AFDN: variants seen among roughly 807,000 people sequenced by gnomAD.
AFDN encodes afadin, adherens junction formation factor.
In AFDN, 68 loss-of-function variants were observed where a neutral mutation model predicts 216.6. That is an observed-to-expected ratio of 0.31 (90% CI 0.26 to 0.38). The LOEUF is 0.38. Among genes scored for constraint, AFDN ranks in the 10% least tolerant of loss-of-function variants. The pLI, the probability that AFDN is intolerant of heterozygous loss-of-function variation, is 1.00. For missense variants in AFDN, 2,136 were observed against 2,342.0 expected, an observed-to-expected ratio of 0.91 and a Z score of 1.82; for synonymous variants, 868 against 853.7, an observed-to-expected ratio of 1.02 and a Z score of -0.29.
In AFDN at chr6:167,846,066, C is replaced by T. The variant is rs574313909; in HGVS notation, c.106-18485C>T. 3.5e-4 allele frequency among the ~76,000 whole-genome samples: 53 copies of T among 152,134 alleles called. 4 individuals are homozygous for T. In the South Asian group the frequency reaches 0.011, roughly 31 times the overall value. ...CTCCATGATCCAATCACTTCCCTCC[C>T]TTGACATAAGGGGATTATGATTCGA... On this transcript the variant is annotated intron_variant, in intron 1 of 33. Coordinates refer to ENST00000683244, the MANE Select transcript of AFDN (RefSeq NM_001386888.1).
At chr6:167,941,694 C>T (rs1464995934) in intron 23 of AFDN, among the ~76,000 whole-genome samples, 790 of 54,996 alleles carry the variant, frequency 0.014, 190 homozygotes, top group East Asian at 0.05. Flanking sequence ...GATGTGTGGA[C>T]AGACACAGAG....
chr6:167,967,202 G>A (rs1288710507), intron 32 of AFDN, among the ~76,000 whole-genome samples: 2 of 152,210 alleles, frequency 1.3e-5, no homozygotes, highest in Non-Finnish European at 1.5e-5. Flanking sequence ...TTTAGTGAGT[G>A]TATGAGAGTC....
chr6:167,837,049 G>T (rs1780520587), intron 1 of AFDN, among the ~76,000 whole-genome samples: 1 of 152,108 alleles, frequency 6.6e-6, no homozygotes, highest in Non-Finnish European at 1.5e-5. Context: ...TGACAAACTT[G>T]CTGATTTTAA....
At chr6:167,858,139 G>A (rs571043308) in intron 1 of AFDN, among the ~76,000 whole-genome samples, 1 of 152,246 alleles carries the variant, frequency 6.6e-6, no homozygotes, top group South Asian at 2.1e-4. Flanking sequence ...TTTCCATAAT[G>A]CTGACTAAGA....
At chr6:167,864,444 G>A in intron 1 of AFDN, 107 bp from the exon 2 acceptor site, 1 of 1,055,612 alleles carries the variant, frequency 9.5e-7, no homozygotes, top group South Asian at 1.3e-5. Flanking sequence ...TGTTTATGAT[G>A]AAGCATTTTT....
At position 167,948,740 on chromosome 6, in the gene AFDN, T is replaced by C. The variant is rs373442932; in HGVS notation, c.3831+262T>C. ...TTTTTAAGACAAAGTTCACTGATTCTAGAAGTGAGAAATTAGAACTCAAGT... is the reference window on the plus strand; with the variant it reads ...TTTTTAAGACAAAGTTCACTGATTCCAGAAGTGAGAAATTAGAACTCAAGT... On this transcript the variant is annotated intron_variant, in intron 29 of 33. Coordinates refer to ENST00000683244, the MANE Select transcript of AFDN (RefSeq NM_001386888.1). Among the ~76,000 whole-genome samples the C allele has an allele frequency of 7.7e-4, 117 of 152,370 alleles. No homozygotes were observed. In the Middle Eastern group the frequency reaches 0.01, roughly 13 times the overall value.
chr6:167,895,285 A>G (rs1788102696), intron 9 of AFDN, among the ~76,000 whole-genome samples: 1 of 152,110 alleles, frequency 6.6e-6, no homozygotes, highest in Non-Finnish European at 1.5e-5. Flanking sequence ...GTTCATTAGA[A>G]CTGCCTTTGG....
chr6:167,944,806 A>T (rs1416499938), intron 26 of AFDN, among the ~76,000 whole-genome samples: 3 of 152,062 alleles, frequency 2.0e-5, no homozygotes, highest in Non-Finnish European at 4.4e-5. Flanking sequence ...TGGAAGAGTA[A>T]CAATGCTAGA....
At chr6:167,933,652 G>C (rs1451567180) in intron 23 of AFDN, among the ~76,000 whole-genome samples, 1 of 152,048 alleles carries the variant, frequency 6.6e-6, no homozygotes, top group Non-Finnish European at 1.5e-5. Flanking sequence ...TTATGAATTT[G>C]GAAACAATAT....
chr6:167,929,333 A>G (rs1369130992), intron 23 of AFDN, among the ~76,000 whole-genome samples: 2 of 152,194 alleles, frequency 1.3e-5, no homozygotes, highest in Admixed American at 1.3e-4. Context: ...ACTGGGTTGT[A>G]GGCTATATTA....
chr6:167,838,435 C>T (rs1780692366), intron 1 of AFDN, among the ~76,000 whole-genome samples: 1 of 152,190 alleles, frequency 6.6e-6, no homozygotes, highest in Non-Finnish European at 1.5e-5. Flanking sequence ...TACAATTAAA[C>T]AATAAACAAA....
intron 32 of AFDN, chr6:167,966,365 C>A: frequency 8.9e-7 from 1 of 1,126,646 alleles, no homozygotes; most frequent in Non-Finnish European, 1.2e-6. Context: ...TGGTCCATGG[C>A]GATCATACTT....
At chr6:167,918,974 G>A (rs1169705811) in intron 21 of AFDN, 41 bp downstream of exon 21, 1 of 1,531,652 alleles carries the variant, frequency 6.5e-7, no homozygotes, top group Non-Finnish European at 9.0e-7. Context: ...TACGCCCCAG[G>A]TTGAAGCGAG....
At chr6:167,958,667 A>G (rs1796753620) in intron 30 of AFDN, among the ~76,000 whole-genome samples, 2 of 152,240 alleles carry the variant, frequency 1.3e-5, no homozygotes, top group South Asian at 4.1e-4. Flanking sequence ...ATGAAAGCCC[A>G]AGCTAGGTCT....
intron 26 of AFDN, 129 bp from the exon 27 acceptor site, chr6:167,946,578 G>GT: frequency 1.5e-6 from 1 of 664,158 alleles, no homozygotes; most frequent in South Asian, 2.2e-5. Context: ...GCTGTTTTAT[G>GT]ATTCTGTAGG....
In AFDN at chr6:167,951,191, T is replaced by C; in HGVS notation, c.3837T>C (p.Val1279=). 6.4e-7 allele frequency: 1 copy of C among 1,551,344 alleles called. No homozygotes were observed. Among genetic ancestry groups the C allele is most frequent in the Non-Finnish European group, 8.7e-7 (1 of 1,152,392 alleles). ...AATTCTTTTTCTTTTTGCAGCGTGTTACACGTTCCCAAGAAGAACTTCGAG... is the reference window on the plus strand; with the variant it reads ...AATTCTTTTTCTTTTTGCAGCGTGTCACACGTTCCCAAGAAGAACTTCGAG... ...SNHSSIAIQR[V]TRSQEELRED... The change falls in exon 30 of 34, where the codon GTT becomes GTC. Residue 1279 remains valine (V), a synonymous_variant. Coordinates refer to ENST00000683244, the MANE Select transcript of AFDN (RefSeq NM_001386888.1). This position sits in a 1 kb window ranked among gnomAD's most constrained non-coding sequence, Gnocchi z 7.1.
rs185418578 is a variant in AFDN at position 167,956,616 on chromosome 6, G to T, written c.4833+4429G>T. On this transcript the variant is annotated intron_variant, in intron 30 of 33. Transcript: ENST00000683244. ...CCACATGGAGTCAAGTAAGACTTTT[G>T]GAATGCAGCATGCTCAAAGTGAAAT... is the stretch of plus-strand genomic sequence containing the variant. Among the ~76,000 whole-genome samples the T allele has an allele frequency of 2.3e-3, 355 of 152,154 alleles. 2 individuals carry two copies. Among genetic ancestry groups the T allele is most frequent in the Non-Finnish European group, 4.3e-3 (295 of 68,014 alleles).
At chr6:167,945,075 A>T (rs957143502) in intron 26 of AFDN, among the ~76,000 whole-genome samples, 1 of 152,162 alleles carries the variant, frequency 6.6e-6, no homozygotes, top group Non-Finnish European at 1.5e-5. Flanking sequence ...ACTCTTTTGT[A>T]GTAACACTTG....
intron 26 of AFDN, among the ~76,000 whole-genome samples, chr6:167,945,284 G>A (rs1320076919): frequency 1.3e-5 from 2 of 151,876 alleles, no homozygotes; most frequent in African/African-American, 4.8e-5. Flanking sequence ...CTCCACATCT[G>A]GTCCCACGGG....
Sources: allele counts gnomAD v4.1 joint callset (sites outside exome capture counted in the v4.1 genomes callset), GRCh38; gene constraint gnomAD v4.1.1; non-coding constraint Gnocchi (gnomAD v3.1); transcripts MANE v1.5; gene names NCBI Gene and HGNC (gene_info 2026-07-23, HGNC 2026-07-21).